GRID2: variants seen among roughly 807,000 people sequenced by gnomAD.
GRID2 encodes glutamate receptor ionotropic, delta-2.
A neutral mutation model predicts 114.8 loss-of-function variants in GRID2; 33 were observed. That is an observed-to-expected ratio of 0.29 (90% confidence interval 0.22 to 0.38). The LOEUF (loss-of-function observed/expected upper bound fraction) is 0.38. Among genes scored for constraint, GRID2 ranks in the 10% least tolerant of loss-of-function variants. The probability of loss-of-function intolerance (pLI) is 1.00; values close to 1 mark genes in which losing one functional copy is unlikely to be tolerated. For missense variants in GRID2, 1,184 were observed against 1,257.7 expected (o/e 0.94, Z 0.89); for synonymous variants, 505 against 449.9 (o/e 1.12, Z -1.55).
chr4:93,804,061 C>T (rs1447054193), intron 1 of GRID2, among the ~76,000 whole-genome samples: 1 of 152,140 alleles, frequency 6.6e-6, no homozygotes, highest in Non-Finnish European at 1.5e-5. Flanking sequence ...CTTCACTTTG[C>T]AGGTTTTACA....
intron 1 of GRID2, among the ~76,000 whole-genome samples, chr4:92,384,588 T>TA (rs1560599126): frequency 3.2e-4 from 14 of 43,932 alleles, no homozygotes; most frequent in African/African-American, 8.6e-4. Context: ...ATATATTATA[T>TA]TATATATAAC....
At chr4:92,614,268 A>T (rs1160135710) in intron 2 of GRID2, among the ~76,000 whole-genome samples, 1 of 151,566 alleles carries the variant, frequency 6.6e-6, no homozygotes, top group African/African-American at 2.4e-5. Flanking sequence ...GCTTCCAAAT[A>T]TGAATGAGAA....
intron 2 of GRID2, among the ~76,000 whole-genome samples, chr4:92,911,717 A>T (rs2149491511): frequency 6.6e-6 from 1 of 152,008 alleles, no homozygotes; most frequent in South Asian, 2.1e-4. Flanking sequence ...CTGCATCTCT[A>T]AATCAAATAA....
intron 4 of GRID2, among the ~76,000 whole-genome samples, chr4:93,186,313 G>A (rs1365592574): frequency 1.3e-5 from 2 of 152,108 alleles, no homozygotes; most frequent in Non-Finnish European, 1.5e-5. Context: ...TTGAGGAATT[G>A]CCACACTGTC....
At chr4:92,306,114 T>C (rs1475821780) in intron 1 of GRID2, among the ~76,000 whole-genome samples, 1 of 152,212 alleles carries the variant, frequency 6.6e-6, no homozygotes, top group African/African-American at 2.4e-5. Context: ...GGGATTTCTG[T>C]CTAGCGTGCG....
chr4:92,649,562 A>T (rs908134186), intron 2 of GRID2, among the ~76,000 whole-genome samples: 24 of 151,964 alleles, frequency 1.6e-4, no homozygotes, highest in African/African-American at 5.8e-4. Flanking sequence ...GTAATGTTTT[A>T]CCAGCTATCT....
At chr4:93,243,149 T>A (rs1488150552) in intron 8 of GRID2, among the ~76,000 whole-genome samples, 1 of 152,036 alleles carries the variant, frequency 6.6e-6, no homozygotes, top group Non-Finnish European at 1.5e-5. Flanking sequence ...TTCTTAATTT[T>A]GAAATTTTCA....
intron 2 of GRID2, among the ~76,000 whole-genome samples, chr4:92,695,333 A>T (rs2904463): frequency 1 from 152,135 of 152,220 alleles, 76,025 homozygotes; most frequent in Middle Eastern, 1. Flanking sequence ...TTTTTTTTAT[A>T]TCTCCTCTTT....
chr4:92,349,319 A>T (rs1033989524), intron 1 of GRID2, among the ~76,000 whole-genome samples: 2 of 151,964 alleles, frequency 1.3e-5, no homozygotes, highest in African/African-American at 4.8e-5. Flanking sequence ...ATCACAAAAT[A>T]ATTGACTTGT....
chr4:92,705,031 CT>C (rs201459666), intron 2 of GRID2, among the ~76,000 whole-genome samples: 1 of 152,004 alleles, frequency 6.6e-6, no homozygotes, highest in Non-Finnish European at 1.5e-5. Context: ...AATATTTCCT[CT>C]TTTTTCTTTA....
At chr4:92,924,562 C>A (rs1395567187) in intron 2 of GRID2, among the ~76,000 whole-genome samples, 1 of 152,140 alleles carries the variant, frequency 6.6e-6, no homozygotes, top group Non-Finnish European at 1.5e-5. Flanking sequence ...CAAAACACTG[C>A]TGCATGGACA....
intron 1 of GRID2, among the ~76,000 whole-genome samples, chr4:92,514,603 A>G (rs956554913): frequency 6.6e-6 from 1 of 151,960 alleles, no homozygotes; most frequent in African/African-American, 2.4e-5. Flanking sequence ...ACAAGTTTTC[A>G]CAATGAAGAA....
At chr4:92,375,733 A>G (rs938577539) in intron 1 of GRID2, among the ~76,000 whole-genome samples, 1 of 152,162 alleles carries the variant, frequency 6.6e-6, no homozygotes, top group African/African-American at 2.4e-5. Context: ...CATTATTCAC[A>G]CACTGCATCA....
At chr4:92,590,953 T>A (rs1002385304) in intron 2 of GRID2, among the ~76,000 whole-genome samples, 1 of 152,224 alleles carries the variant, frequency 6.6e-6, no homozygotes, top group Non-Finnish European at 1.5e-5. Flanking sequence ...AATGGAATTT[T>A]CTGTTTGCTT....
At chr4:93,365,409 G>A (rs903080747) in intron 8 of GRID2, among the ~76,000 whole-genome samples, 1 of 152,140 alleles carries the variant, frequency 6.6e-6, no homozygotes, top group Non-Finnish European at 1.5e-5. Flanking sequence ...ACCATGCATA[G>A]TAGGTATTCC....
intron 2 of GRID2, among the ~76,000 whole-genome samples, chr4:92,704,722 T>TCTGTC (rs1491091946): frequency 1.4e-5 from 2 of 142,438 alleles, no homozygotes. Flanking sequence ...TCTCTCTCTC[T>TCTGTC]TTCTCTCTCT....
intron 4 of GRID2, among the ~76,000 whole-genome samples, chr4:93,205,407 G>T (rs1442686972): frequency 6.6e-6 from 1 of 152,032 alleles, no homozygotes; most frequent in Admixed American, 6.5e-5. Flanking sequence ...AACATGTGGT[G>T]TTTGGTTTTT....
At chr4:93,603,071 G>T (rs537660201) in intron 13 of GRID2, among the ~76,000 whole-genome samples, 1 of 152,118 alleles carries the variant, frequency 6.6e-6, no homozygotes, top group Non-Finnish European at 1.5e-5. Flanking sequence ...TTAGCCAGAC[G>T]TGGTGGCAGG....
At chr4:93,417,062 A>G (rs1398097423) in intron 9 of GRID2, among the ~76,000 whole-genome samples, 1 of 152,112 alleles carries the variant, frequency 6.6e-6, no homozygotes, top group Admixed American at 6.6e-5. Flanking sequence ...AGTCCTATTA[A>G]TACTCTTTGA....
Sources: gnomAD v4.1 joint callset for allele counts (sites outside exome capture counted in the v4.1 genomes callset) on GRCh38, gnomAD v4.1.1 for gene constraint, MANE v1.5 for transcripts, NCBI Gene and HGNC (gene_info 2026-07-23, HGNC 2026-07-21) for gene names.